The following GALNTL6 variants were observed in gnomAD, a reference collection of about 807,000 sequenced individuals.
The protein encoded by GALNTL6 is polypeptide N-acetylgalactosaminyltransferase-like 6.
In GALNTL6, 46 loss-of-function variants were observed where a neutral mutation model predicts 73.7. The ratio of observed to expected loss-of-function variants is 0.62; its 90% CI spans 0.49 to 0.80. The LOEUF is 0.80. Ranked by LOEUF, GALNTL6 falls within the 30% of genes least tolerant of loss-of-function variation. GALNTL6 has a pLI of 0.00. For missense variants in GALNTL6, 604 were observed against 755.0 expected (o/e 0.80, Z 2.34); for synonymous variants, 259 against 263.7 (o/e 0.98, Z 0.17).
At chr4:172,223,976 AC>A (rs1736770234) in intron 2 of GALNTL6, among the ~76,000 whole-genome samples, 1 of 152,124 alleles carries the variant, frequency 6.6e-6, no homozygotes, top group Non-Finnish European at 1.5e-5. Context: ...CAAGAATCAT[AC>A]CCATCACAAT....
intron 2 of GALNTL6, among the ~76,000 whole-genome samples, chr4:171,936,842 G>A (rs367692903): frequency 1.2e-4 from 18 of 152,134 alleles, no homozygotes; most frequent in East Asian, 3.9e-4. Flanking sequence ...AAAAATATAC[G>A]TTAAGCCTCT....
chr4:172,784,350 T>C (rs1314330123), intron 5 of GALNTL6, among the ~76,000 whole-genome samples: 1 of 152,288 alleles, frequency 6.6e-6, no homozygotes, highest in South Asian at 2.1e-4. Flanking sequence ...AAAACAATAA[T>C]AATTGATATG....
At chr4:171,817,738 GTTTTTC>G (rs1355587503) in intron 2 of GALNTL6, among the ~76,000 whole-genome samples, 1 of 151,468 alleles carries the variant, frequency 6.6e-6, no homozygotes, top group Admixed American at 6.6e-5. Flanking sequence ...TTATTTCAAA[GTTTTTC>G]TTTTTCCTTT....
rs1432634868 is a variant in GALNTL6 at position 172,464,388 on chromosome 4, C to A, written c.553+115699C>A. Among the ~76,000 whole-genome samples the A allele has an allele frequency of 2.0e-5, 3 of 151,882 alleles. No individual in the cohort carries two copies. The East Asian group carries it at 5.8e-4, about 29-fold the overall frequency. On this transcript the variant is annotated intron_variant, in intron 5 of 12. Transcript: ENST00000506823. ...TTAAGTACTTCCTATTGATAAAGAC[C>A]TAGAAATTTTAATATGGTCATAATT...
At chr4:172,601,112 A>AT (rs1387594537) in intron 5 of GALNTL6, among the ~76,000 whole-genome samples, 1 of 152,200 alleles carries the variant, frequency 6.6e-6, no homozygotes, top group African/African-American at 2.4e-5. Context: ...AATAAAATGT[A>AT]TTTTTTAAAA....
intron 5 of GALNTL6, among the ~76,000 whole-genome samples, chr4:172,584,836 C>T (rs933110402): frequency 1.3e-5 from 2 of 152,034 alleles, no homozygotes; most frequent in Admixed American, 1.3e-4. Context: ...ATTTGAATCA[C>T]GTCATAAAAG....
At position 172,276,908 on chromosome 4, in the gene GALNTL6, T is replaced by G. The variant is rs115530404; in HGVS notation, c.248-34706T>G. 5.6e-3 allele frequency among the ~76,000 whole-genome samples: 859 copies of G among 152,268 alleles called. 7 individuals carry two copies. Among genetic ancestry groups the G allele is most frequent in the African/African-American group, 0.019 (805 of 41,556 alleles). On this transcript the variant is annotated intron_variant, in intron 3 of 12. Transcript: ENST00000506823. The stretch of plus-strand genomic sequence containing the variant: ...ATGCCATTTTATTAATTTAATGGAC[T>G]ATTTTATTAATTTAATGGACTATTT...
chr4:172,783,116 C>T (rs1159969105), intron 5 of GALNTL6, among the ~76,000 whole-genome samples: 1 of 151,006 alleles, frequency 6.6e-6, no homozygotes, highest in Non-Finnish European at 1.5e-5. Flanking sequence ...TTGGACCTGC[C>T]ACGGCAGGTC....
At chr4:172,054,824 A>C (rs1041909366) in intron 2 of GALNTL6, among the ~76,000 whole-genome samples, 7 of 152,216 alleles carry the variant, frequency 4.6e-5, no homozygotes, top group Non-Finnish European at 7.3e-5. Context: ...TTCGAAACAA[A>C]TGAGAAGTCG....
At chr4:172,447,458 C>T (rs1732063223) in intron 5 of GALNTL6, among the ~76,000 whole-genome samples, 1 of 152,186 alleles carries the variant, frequency 6.6e-6, no homozygotes, top group Admixed American at 6.5e-5. Flanking sequence ...TCAAACTTTA[C>T]ATTTCCCCAT....
At chr4:172,341,308 G>A (rs543843377) in intron 4 of GALNTL6, among the ~76,000 whole-genome samples, 6 of 150,690 alleles carry the variant, frequency 4.0e-5, no homozygotes, top group South Asian at 4.2e-4. Context: ...AAAATTAGCC[G>A]GGCGTAGTGG....
chr4:172,337,560 T>C (rs1262468737), intron 4 of GALNTL6, among the ~76,000 whole-genome samples: 1 of 152,186 alleles, frequency 6.6e-6, no homozygotes, highest in African/African-American at 2.4e-5. Context: ...ACATTAATTT[T>C]TTTTTTAAGA....
chr4:171,855,533 C>A (rs1316581932), intron 2 of GALNTL6, among the ~76,000 whole-genome samples: 2 of 152,134 alleles, frequency 1.3e-5, no homozygotes, highest in Non-Finnish European at 2.9e-5. Context: ...TGAAGGACAT[C>A]TTGGTTAATT....
rs1732300285 is a variant in GALNTL6 at position 172,094,725 on chromosome 4, A to G, written c.139-134931A>G. ...TTATTTCCCAAGGAGTTTTATTGCC[A>G]CATTTTAGCTTATGCTTTCACTATT... On this transcript the variant is annotated intron_variant, in intron 2 of 12. Transcript: ENST00000506823. 2.0e-5 allele frequency among the ~76,000 whole-genome samples: 3 copies of G among 152,236 alleles called. No homozygotes were observed. In the South Asian group the frequency reaches 6.2e-4, roughly 32 times the overall value.
At chr4:172,382,834 T>A (rs1487762107) in intron 5 of GALNTL6, among the ~76,000 whole-genome samples, 1 of 152,072 alleles carries the variant, frequency 6.6e-6, no homozygotes, top group Non-Finnish European at 1.5e-5. Context: ...AAGACTATTC[T>A]TTTCAACCCA....
intron 2 of GALNTL6, among the ~76,000 whole-genome samples, chr4:172,047,020 G>A (rs1044460190): frequency 2.6e-5 from 4 of 152,200 alleles, no homozygotes; most frequent in Admixed American, 1.3e-4. Flanking sequence ...TATATTCTGA[G>A]ATTTTCTTTG....
At chr4:172,933,469 A>C (rs1748457675) in intron 9 of GALNTL6, among the ~76,000 whole-genome samples, 1 of 152,162 alleles carries the variant, frequency 6.6e-6, no homozygotes, top group Admixed American at 6.5e-5. Flanking sequence ...AACTTCCAGG[A>C]AAAAGTGAAT....
In GALNTL6 at chr4:171,967,456, T is replaced by TTTTTGTTTTTG. The variant is rs1553976649; in HGVS notation, c.138+152742_138+152743insGTTTTTGTTTT. ...TTTCTTCCCCCTATGGGTTTTTTTTTTTTTTTTTTGTAGATGTAGTTCTAC... is the reference window on the plus strand; with the variant it reads ...TTTCTTCCCCCTATGGGTTTTTTTTTTTTTGTTTTTGTTTTTTTTTGTAGATGTAGTTCTAC... On this transcript the variant is annotated intron_variant, in intron 2 of 12. Transcript: ENST00000506823. 1.3e-3 allele frequency among the ~76,000 whole-genome samples: 181 copies of TTTTTGTTTTTG among 140,798 alleles called. 1 individual carries two copies. Among genetic ancestry groups the TTTTTGTTTTTG allele is most frequent in the Middle Eastern group, 4.0e-3 (1 of 250 alleles). The allele number at this position is 140,798 out of a possible 152,430, so 92.4% of individuals were successfully genotyped here. A position where few individuals can be genotyped will look rare whatever the true frequency, so the allele number is the denominator to read the frequency against.
At chr4:173,000,119 C>G (rs779674339) in intron 10 of GALNTL6, among the ~76,000 whole-genome samples, 9 of 152,074 alleles carry the variant, frequency 5.9e-5, no homozygotes, top group Non-Finnish European at 1.2e-4. Context: ...GGTCCATACA[C>G]TAAAACAAAT....
Sources: allele counts gnomAD v4.1 joint callset (sites outside exome capture counted in the v4.1 genomes callset), GRCh38; gene constraint gnomAD v4.1.1; transcripts MANE v1.5; gene names NCBI Gene and HGNC (gene_info 2026-07-23, HGNC 2026-07-21).